Variants in CTTN observed in about 807,000 individuals in gnomAD.
The protein encoded by CTTN is src substrate cortactin.
In CTTN, 28 loss-of-function variants were observed where a neutral mutation model predicts 84.0. The observed-to-expected ratio is 0.33, with a 90% confidence interval of 0.25 to 0.46. The LOEUF (loss-of-function observed/expected upper bound fraction) is 0.46. CTTN is among the 20% of genes least tolerant of loss of function. The probability of loss-of-function intolerance (pLI) is 1.00; values close to 1 mark genes in which losing one functional copy is unlikely to be tolerated. For synonymous variants in CTTN, 301 were observed against 288.8 expected (o/e 1.04, Z -0.43); for missense variants, 641 against 723.8 (o/e 0.89, Z 1.31).
At chr11:70,414,741 C>G (rs1160547299) in intron 6 of CTTN, 89 bp downstream of exon 6, 1 of 893,474 alleles carries the variant, frequency 1.1e-6, no homozygotes, top group Non-Finnish European at 1.8e-6. Context: ...CTTGTAGTAG[C>G]AGGCAGGTGC....
At chr11:70,418,064 A>C (rs1448896041) in intron 8 of CTTN, among the ~76,000 whole-genome samples, 1 of 152,112 alleles carries the variant, frequency 6.6e-6, no homozygotes, top group Non-Finnish European at 1.5e-5. Context: ...TGCACATTTA[A>C]ATTTTTAAAA....
intron 9 of CTTN, chr11:70,420,065 G>A (rs887464196): frequency 2.5e-5 from 15 of 604,392 alleles, no homozygotes; most frequent in African/African-American, 2.2e-4. Context: ...TCCAGCCCCA[G>A]CGGCGTTGCT....
Position 70,415,485 on chromosome 11 carries a change from G to A in CTTN, c.403-178G>A, listed in dbSNP as rs114320466. Among the ~76,000 whole-genome samples the A allele has an allele frequency of 5.6e-4, 85 of 152,326 alleles. 1 individual carries two copies. Among genetic ancestry groups the A allele is most frequent in the African/African-American group, 1.8e-3 (75 of 41,578 alleles). ...ACTGGGCCTTGCAGTGGGCCTGTCC[G>A]TTTAGGATGCCAGAGCTCTTGCGTC... On this transcript the variant is annotated intron_variant, in intron 6 of 17. Coordinates refer to ENST00000301843, the MANE Select transcript of CTTN (RefSeq NM_005231.4).
Position 70,407,396 on chromosome 11 carries a change from C to G in CTTN, c.87+12C>G. On this transcript the variant is annotated intron_variant, in intron 3 of 17. Transcript: ENST00000301843. ...ACCCTGATTTTGTGGTAGGAGCCGC[C>G]AGCCTTTGCTTTCCTCTTTCATGAA... is the stretch of plus-strand genomic sequence containing the variant. 6.2e-7 allele frequency: 1 copy of G among 1,610,152 alleles called. No individual in the cohort carries two copies. The highest frequency in any genetic ancestry group is 8.5e-7 in the Non-Finnish European group (1 of 1,177,998).
rs556819188 is a variant in CTTN, at chr11:70,435,413, A to G, written c.*251A>G. The G allele has an allele frequency of 6.6e-7, 1 of 1,504,558 alleles. No homozygotes were observed. Among genetic ancestry groups the G allele is most frequent in the East Asian group, 2.5e-5 (1 of 40,748 alleles). 93.2% of individuals were successfully genotyped at this position (1,504,558 alleles called of 1,614,324 possible). On this transcript the variant is annotated 3_prime_UTR_variant, in exon 18 of 18. Transcript: ENST00000301843. Reference sequence around the variant, plus strand: ...TAGGAGGACTTTGGTAATTGGTTTTATGCATTGATGGTTTTTTTTTTCTTT... The same window carrying G: ...TAGGAGGACTTTGGTAATTGGTTTTGTGCATTGATGGTTTTTTTTTTCTTT...
In CTTN at chr11:70,417,116, A is replaced by G. The variant is rs770696412; in HGVS notation, c.561A>G (p.Ser187=). The G allele has an allele frequency of 1.9e-6, 3 of 1,613,680 alleles. No individual in the cohort carries two copies. The highest frequency in any genetic ancestry group is 1.7e-6 in the Non-Finnish European group (2 of 1,179,688). Residue 187 remains serine, a synonymous_variant, in exon 8 of 18, where the codon TCA becomes TCG. Transcript: ENST00000301843. ...AGGGCAAGACGGAGAAGCACGAGTC[A>G]CAGAGAGGTGGGGCGGACCCCACGG... ...DYQGKTEKHE[S]QRDYSKGFGG... is the part of the protein sequence containing the mutation.
chr11:70,423,451 A>G (rs535153035), intron 12 of CTTN, among the ~76,000 whole-genome samples: 114 of 152,296 alleles, frequency 7.5e-4, no homozygotes, highest in Non-Finnish European at 1.4e-3. Context: ...CGGGCTCCAC[A>G]CTGCCTGCTC....
At chr11:70,423,172 C>G (rs1367556075) in intron 12 of CTTN, among the ~76,000 whole-genome samples, 177 bp downstream of exon 12, 3 of 152,076 alleles carry the variant, frequency 2.0e-5, no homozygotes, top group Admixed American at 6.5e-5. Context: ...CATGGCCGTG[C>G]TGTGGGATAG....
chr11:70,424,478 G>A (rs112662203), intron 12 of CTTN, among the ~76,000 whole-genome samples: 102 of 152,164 alleles, frequency 6.7e-4, no homozygotes, highest in African/African-American at 2.2e-3. Flanking sequence ...AGAGGGTGAC[G>A]TAACTGCCCG....
chr11:70,431,341 T>C (rs1314986658), intron 15 of CTTN, 61 bp downstream of exon 15: 11 of 1,548,460 alleles, frequency 7.1e-6, no homozygotes, highest in Non-Finnish European at 8.0e-6. Flanking sequence ...CAGGTCCTGT[T>C]TGTGGAGTGG....
chr11:70,429,220 C>A, intron 14 of CTTN, 21 bp downstream of exon 14: 1 of 1,602,886 alleles, frequency 6.2e-7, no homozygotes, highest in Non-Finnish European at 8.5e-7. Flanking sequence ...AGGAGTGGGC[C>A]GCAGCGCACC....
At chr11:70,423,137 C>T (rs902129654) in intron 12 of CTTN, 142 bp downstream of exon 12, 4 of 1,018,464 alleles carry the variant, frequency 3.9e-6, no homozygotes, top group Non-Finnish European at 5.8e-6. Flanking sequence ...GTGGCGATGA[C>T]TGACTCGGAC....
chr11:70,410,095 G>A, intron 5 of CTTN, 135 bp downstream of exon 5: 1 of 854,920 alleles, frequency 1.2e-6, no homozygotes, highest in Non-Finnish European at 1.9e-6. Flanking sequence ...TTTGCCCGGA[G>A]TAGACCCCTG....
At chr11:70,410,762 A>T (rs949676239) in intron 5 of CTTN, among the ~76,000 whole-genome samples, 4 of 152,206 alleles carry the variant, frequency 2.6e-5, no homozygotes, top group Non-Finnish European at 5.9e-5. Flanking sequence ...TTCTGACCTG[A>T]CAGATGCTTG....
chr11:70,402,530 C>T (rs2135546786), intron 1 of CTTN, among the ~76,000 whole-genome samples: 1 of 152,332 alleles, frequency 6.6e-6, no homozygotes, highest in African/African-American at 2.4e-5. Context: ...AGCAATGTAT[C>T]TTTTGTCTCT....
At position 70,415,963 on chromosome 11, in the gene CTTN, C is replaced by T. The variant is rs147083312; in HGVS notation, c.457+246C>T. The T allele has an allele frequency of 6.0e-4, 275 of 457,462 alleles. 1 individual carries two copies. The Middle Eastern group carries it at 6.6e-3, about 11-fold the overall frequency. The allele number at this position is 457,462 out of a possible 1,614,324, so 28.3% of individuals were successfully genotyped here. A position where few individuals can be genotyped will look rare whatever the true frequency, so the allele number is the denominator to read the frequency against. On this transcript the variant is annotated intron_variant, in intron 7 of 17. Transcript: ENST00000301843. Reference sequence around the variant, plus strand: ...TTACACATCCCCCTCGGAGCCCTGGCATCTGCTGTCATTGTGGGGCTTCTC... The same window carrying T: ...TTACACATCCCCCTCGGAGCCCTGGTATCTGCTGTCATTGTGGGGCTTCTC...
At chr11:70,412,614 G>A (rs553665680) in intron 5 of CTTN, among the ~76,000 whole-genome samples, 2 of 152,352 alleles carry the variant, frequency 1.3e-5, no homozygotes, top group East Asian at 1.9e-4. Context: ...AGAGGAGCCT[G>A]GACGGGCTGT....
chr11:70,436,097 G>C lies in CTTN; in HGVS notation c.*935G>C, dbSNP rs1482239891. 3 of 1,425,212 alleles carry C rather than the reference G, an allele frequency of 2.1e-6. No individual in the cohort carries two copies. The East Asian group carries it at 7.7e-5, about 36-fold the overall frequency. The allele number at this position is 1,425,212 out of a possible 1,614,324, so 88.3% of individuals were successfully genotyped here. ...GGCAGTGCCTGCTCTGCTGTGAGCC[G>C]CCAGGAACCCTCCTCCTGTCAATGG... is the stretch of plus-strand genomic sequence containing the variant. On this transcript the variant is annotated 3_prime_UTR_variant, in exon 18 of 18. Coordinates refer to ENST00000301843, the MANE Select transcript of CTTN (RefSeq NM_005231.4).
chr11:70,405,031 GTCA>G (rs577900651), intron 1 of CTTN, among the ~76,000 whole-genome samples: 112 of 152,212 alleles, frequency 7.4e-4, no homozygotes, highest in Non-Finnish European at 1.3e-3. Context: ...AAGACAAAAA[GTCA>G]TCATGTAGTT....
Sources: gnomAD v4.1 joint callset for allele counts (sites outside exome capture counted in the v4.1 genomes callset) on GRCh38, gnomAD v4.1.1 for gene constraint, MANE v1.5 for transcripts, NCBI Gene and HGNC (gene_info 2026-07-23, HGNC 2026-07-21) for gene names.